The following EDIL3 variants were observed in gnomAD, a reference collection of about 807,000 sequenced individuals.
The protein encoded by EDIL3 is EGF like and discoidin domains 3, also known as EGF-like repeat and discoidin I-like domain-containing protein 3.
In EDIL3, 37 loss-of-function variants were observed where a neutral mutation model predicts 67.4. The ratio of observed to expected loss-of-function variants is 0.55; its 90% CI spans 0.42 to 0.72. EDIL3 has a LOEUF of 0.72. EDIL3 is among the 30% of genes least tolerant of loss of function. The pLI is 0.00. For missense variants in EDIL3, 527 were observed against 586.3 expected (o/e 0.90, Z 1.04); for synonymous variants, 195 against 196.3 (o/e 0.99, Z 0.05).
intron 6 of EDIL3, among the ~76,000 whole-genome samples, chr5:84,098,796 A>C (rs374412181): frequency 8.5e-5 from 13 of 152,180 alleles, no homozygotes; most frequent in East Asian, 3.9e-4. Flanking sequence ...AAATGCCCAC[A>C]TCAAAAAGTT....
intron 4 of EDIL3, among the ~76,000 whole-genome samples, chr5:84,163,137 G>C (rs1748643572): frequency 6.6e-6 from 1 of 152,108 alleles, no homozygotes; most frequent in Non-Finnish European, 1.5e-5. Flanking sequence ...ACCTCAAAGA[G>C]TGACTCTACT....
chr5:84,351,337 C>T (rs1250073762), intron 1 of EDIL3, among the ~76,000 whole-genome samples: 1 of 152,112 alleles, frequency 6.6e-6, no homozygotes, highest in Non-Finnish European at 1.5e-5. Context: ...TAAGACCTCT[C>T]ATTGAAAAAC....
intron 3 of EDIL3, among the ~76,000 whole-genome samples, chr5:84,219,839 T>C (rs575369683): frequency 1.2e-3 from 182 of 152,282 alleles, no homozygotes; most frequent in African/African-American, 4.1e-3. Flanking sequence ...GAGATCATTA[T>C]GTTAAATGAA....
chr5:84,075,183 A>T (rs1372701118), intron 6 of EDIL3, among the ~76,000 whole-genome samples: 1 of 144,672 alleles, frequency 6.9e-6, no homozygotes, highest in Non-Finnish European at 1.5e-5. Context: ...GGAGCATCAC[A>T]CTCTGGGTAC....
chr5:84,165,059 G>A (rs1189134697), intron 4 of EDIL3, among the ~76,000 whole-genome samples: 1 of 152,056 alleles, frequency 6.6e-6, no homozygotes, highest in Non-Finnish European at 1.5e-5. Context: ...TGTATGTAAA[G>A]GGGAATATGA....
intron 1 of EDIL3, among the ~76,000 whole-genome samples, chr5:84,322,958 C>T (rs535059056): frequency 1.7e-4 from 26 of 152,006 alleles, no homozygotes; most frequent in Admixed American, 1.3e-3. Flanking sequence ...AATCCTGTAT[C>T]CTGCAATACT....
intron 3 of EDIL3, among the ~76,000 whole-genome samples, chr5:84,226,838 A>G (rs1317736419): frequency 6.6e-6 from 1 of 152,022 alleles, no homozygotes; most frequent in African/African-American, 2.4e-5. Flanking sequence ...TGATGTGCAC[A>G]TCACTCTGGA....
rs1744217372 is a variant in EDIL3, at chr5:83,941,185, C to T, written c.*2234G>A. On this transcript the variant is annotated 3_prime_UTR_variant, in exon 11 of 11. Coordinates refer to ENST00000296591, the MANE Select transcript of EDIL3 (RefSeq NM_005711.5). ...ATTTCCATATGGTGCGACCCCTTTG[C>T]TCTCATCAATTTTGGGTGTCATGAG... 6.6e-6 allele frequency: 1 copy of T among 151,982 alleles called. No homozygotes were observed. Among genetic ancestry groups the T allele is most frequent in the Non-Finnish European group, 1.5e-5 (1 of 67,884 alleles). The allele number at this position is 151,982 out of a possible 1,614,324, so 9.4% of individuals were successfully genotyped here.
At chr5:84,365,416 A>G (rs1411818943) in intron 1 of EDIL3, among the ~76,000 whole-genome samples, 3 of 152,204 alleles carry the variant, frequency 2.0e-5, no homozygotes, top group Middle Eastern at 6.8e-3. Flanking sequence ...TACAATTAAG[A>G]CCTCTAAAGC....
chr5:84,286,759 T>C (rs925074272), intron 1 of EDIL3, among the ~76,000 whole-genome samples: 1 of 152,142 alleles, frequency 6.6e-6, no homozygotes, highest in Admixed American at 6.6e-5. Flanking sequence ...TGGTTTTTCT[T>C]TTGCCCTCAT....
chr5:84,004,709 G>A (rs958046567), intron 9 of EDIL3, among the ~76,000 whole-genome samples: 3 of 152,008 alleles, frequency 2.0e-5, no homozygotes, highest in Admixed American at 2.0e-4. Flanking sequence ...AAAGTTTAGA[G>A]CAGTAATGCC....
intron 3 of EDIL3, among the ~76,000 whole-genome samples, chr5:84,216,684 T>C (rs1744232591): frequency 6.6e-6 from 1 of 152,194 alleles, no homozygotes; most frequent in African/African-American, 2.4e-5. Context: ...ATACTCTACA[T>C]AGAGGCCTCT....
chr5:84,341,042 T>C (rs1014773224), intron 1 of EDIL3, among the ~76,000 whole-genome samples: 3 of 151,932 alleles, frequency 2.0e-5, no homozygotes, highest in Non-Finnish European at 2.9e-5. Flanking sequence ...CCCTCATCCC[T>C]CCTCCAACAT....
At chr5:84,223,636 GA>G (rs923637173) in intron 3 of EDIL3, among the ~76,000 whole-genome samples, 1 of 151,528 alleles carries the variant, frequency 6.6e-6, no homozygotes, top group African/African-American at 2.4e-5. Context: ...AGGAATGGGG[GA>G]AATATAAGTC....
At chr5:84,183,473 A>G (rs997691124) in intron 3 of EDIL3, among the ~76,000 whole-genome samples, 12 of 152,170 alleles carry the variant, frequency 7.9e-5, no homozygotes, top group African/African-American at 2.4e-4. Flanking sequence ...ATAAATAATT[A>G]CAGTCAAAAA....
intron 6 of EDIL3, among the ~76,000 whole-genome samples, chr5:84,068,624 TTTGGG>T (rs1396767721): frequency 3.9e-5 from 6 of 152,178 alleles, no homozygotes; most frequent in African/African-American, 1.2e-4. Flanking sequence ...CATCACCCAG[TTTGGG>T]TTGTGTCTAA....
intron 9 of EDIL3, among the ~76,000 whole-genome samples, chr5:83,969,597 T>G (rs1479090581): frequency 6.6e-6 from 1 of 151,834 alleles, no homozygotes; most frequent in African/African-American, 2.4e-5. Context: ...ATTTGCCCAC[T>G]GGTGCAACTG....
intron 9 of EDIL3, among the ~76,000 whole-genome samples, chr5:83,993,623 T>G (rs1189016595): frequency 6.6e-6 from 1 of 152,208 alleles, no homozygotes; most frequent in Non-Finnish European, 1.5e-5. Context: ...TTTTAGAGAA[T>G]AGCTACTGAA....
intron 6 of EDIL3, among the ~76,000 whole-genome samples, chr5:84,100,103 T>C (rs1017886370): frequency 2.0e-5 from 3 of 152,040 alleles, no homozygotes; most frequent in African/African-American, 7.2e-5. Context: ...TGTGGAGAAA[T>C]AGGAACAATT....
Sources: allele counts gnomAD v4.1 joint callset (sites outside exome capture counted in the v4.1 genomes callset), GRCh38; gene constraint gnomAD v4.1.1; transcripts MANE v1.5; gene names NCBI Gene and HGNC (gene_info 2026-07-23, HGNC 2026-07-21).